TNR: variants seen among roughly 807,000 people sequenced by gnomAD.
TNR encodes tenascin R.
TNR carries 45 observed loss-of-function variants against 150.4 expected under a neutral mutation model. That is an observed-to-expected ratio of 0.30 (90% CI 0.24 to 0.38). The LOEUF (loss-of-function observed/expected upper bound fraction) is 0.38. TNR is among the 10% of genes least tolerant of loss of function. The pLI is 1.00. For missense variants in TNR, 1,544 were observed against 1,759.1 expected (o/e 0.88, Z 2.19); for synonymous variants, 687 against 678.4 (o/e 1.01, Z -0.20).
intron 1 of TNR, among the ~76,000 whole-genome samples, chr1:175,672,940 C>G (rs773395005): frequency 5.3e-5 from 8 of 152,186 alleles, no homozygotes; most frequent in Non-Finnish European, 1.2e-4. Flanking sequence ...GCTCATTCCT[C>G]TGCTTGGAAA....
intron 2 of TNR, among the ~76,000 whole-genome samples, chr1:175,488,837 G>T (rs1658122980): frequency 6.6e-6 from 1 of 152,252 alleles, no homozygotes. Context: ...GGTGGATGGG[G>T]CAAGGGTTGT....
rs1662239786 is a variant in TNR, at chr1:175,579,165, T to TTCCTTCCTTCCTTCCTTCC, written c.-164-50797_-164-50796insGGAAGGAAGGAAGGAAGGA. ...CTCCTATCCTTCCCTTCGTTCCTTC[T>TTCCTTCCTTCCTTCCTTCC]TTCCTTCCTTCCTTCCTTCCTTCCT... On this transcript the variant is annotated intron_variant, in intron 1 of 22. Coordinates refer to ENST00000367674, the MANE Select transcript of TNR (RefSeq NM_003285.3). 2.2e-5 allele frequency among the ~76,000 whole-genome samples: 3 copies of TTCCTTCCTTCCTTCCTTCC among 134,380 alleles called. No homozygotes were observed. The South Asian group carries it at 8.2e-4, about 37-fold the overall frequency. 88.2% of individuals were successfully genotyped at this position (134,380 alleles called of 152,430 possible).
At chr1:175,331,078 C>CCTTCTCTTTCT (rs1649823861) in intron 20 of TNR, among the ~76,000 whole-genome samples, 3 of 59,944 alleles carry the variant, frequency 5.0e-5, no homozygotes, top group East Asian at 5.8e-4. Flanking sequence ...TCTTTCTTTC[C>CCTTCTCTTTCT]TTCTTTCTTT....
chr1:175,664,733 T>G (rs1665482193), intron 1 of TNR, among the ~76,000 whole-genome samples: 2 of 152,230 alleles, frequency 1.3e-5, no homozygotes, highest in Admixed American at 1.3e-4. Context: ...CAGGTTAGAA[T>G]AAGCCTACTT....
intron 21 of TNR, 49 bp from the exon 22 acceptor site, chr1:175,324,568 T>C: frequency 1.3e-6 from 2 of 1,594,342 alleles, no homozygotes; most frequent in Non-Finnish European, 1.7e-6. Context: ...CACTGCTTTA[T>C]CAGGATTTTC....
At chr1:175,493,458 G>T (rs1479328761) in intron 2 of TNR, among the ~76,000 whole-genome samples, 1 of 152,200 alleles carries the variant, frequency 6.6e-6, no homozygotes, top group East Asian at 1.9e-4. Context: ...AGAGACCAGG[G>T]CGGCCTCTCT....
chr1:175,694,673 C>T (rs1011910460), intron 1 of TNR, among the ~76,000 whole-genome samples: 1 of 152,180 alleles, frequency 6.6e-6, no homozygotes, highest in Non-Finnish European at 1.5e-5. Context: ...GAGATAGGGA[C>T]TTTAATGAGA....
At chr1:175,701,796 C>A (rs1181754865) in intron 1 of TNR, among the ~76,000 whole-genome samples, 1 of 152,206 alleles carries the variant, frequency 6.6e-6, no homozygotes, top group Non-Finnish European at 1.5e-5. Flanking sequence ...GTTAGAAATG[C>A]AGCCTCTGGG....
chr1:175,435,363 G>A (rs1023802687), intron 2 of TNR, among the ~76,000 whole-genome samples: 1 of 152,154 alleles, frequency 6.6e-6, no homozygotes, highest in African/African-American at 2.4e-5. Flanking sequence ...AAAAGATAGT[G>A]CCAGATATTT....
intron 1 of TNR, among the ~76,000 whole-genome samples, chr1:175,545,155 C>T (rs76833263): frequency 6.6e-6 from 1 of 151,856 alleles, no homozygotes; most frequent in Non-Finnish European, 1.5e-5. Context: ...ACTGCTACAA[C>T]CAAAAAAAGA....
intron 11 of TNR, 86 bp downstream of exon 11, chr1:175,365,789 T>C (rs546773446): frequency 8.4e-5 from 128 of 1,532,510 alleles, no homozygotes; most frequent in African/African-American, 4.7e-4. Flanking sequence ...AAATGGAACA[T>C]TGGAAGAGTG....
At position 175,480,702 on chromosome 1, in the gene TNR, G is replaced by A. The variant is rs76357826; in HGVS notation, c.-64+47567C>T. On this transcript the variant is annotated intron_variant, in intron 2 of 22. Coordinates refer to ENST00000367674, the MANE Select transcript of TNR (RefSeq NM_003285.3). ...GACGTTAAGAGGCTCACCTGAAATC[G>A]GATGCTAGTAAATGAGAGAGGCCAG... Among the ~76,000 whole-genome samples, 1,433 of 152,230 alleles carry A rather than the reference G, an allele frequency of 9.4e-3. 22 individuals are homozygous for A. Among genetic ancestry groups the A allele is most frequent in the African/African-American group, 0.033 (1,373 of 41,520 alleles).
At chr1:175,458,590 G>A (rs1330513635) in intron 2 of TNR, among the ~76,000 whole-genome samples, 1 of 152,166 alleles carries the variant, frequency 6.6e-6, no homozygotes, top group East Asian at 1.9e-4. Flanking sequence ...TAGAAGAGAG[G>A]ATGGTCAGGA....
In TNR at chr1:175,411,810, G is replaced by A. The variant is rs531772782; in HGVS notation, c.-63-5033C>T. On this transcript the variant is annotated intron_variant, in intron 2 of 22. Coordinates refer to ENST00000367674, the MANE Select transcript of TNR (RefSeq NM_003285.3). Reference sequence around the variant, plus strand: ...TAAGGTTACATTCTGAGGTTCTGGGGTTAGGACTTCAACACGTCTTCTTTG... The same window carrying A: ...TAAGGTTACATTCTGAGGTTCTGGGATTAGGACTTCAACACGTCTTCTTTG... Among the ~76,000 whole-genome samples, 13 of 152,094 alleles carry A rather than the reference G, an allele frequency of 8.5e-5. No individual in the cohort carries two copies. In the South Asian group the frequency reaches 2.7e-3, roughly 32 times the overall value.
At chr1:175,493,999 T>C (rs1434130488) in intron 2 of TNR, among the ~76,000 whole-genome samples, 1 of 152,172 alleles carries the variant, frequency 6.6e-6, no homozygotes, top group Non-Finnish European at 1.5e-5. Context: ...AACCTGTTTT[T>C]CTTTGTATCT....
chr1:175,413,088 C>T (rs1436644065), intron 2 of TNR, among the ~76,000 whole-genome samples: 3 of 152,136 alleles, frequency 2.0e-5, no homozygotes, highest in African/African-American at 4.8e-5. Context: ...TGCAGTGGCA[C>T]GATCTCTGCT....
chr1:175,505,566 C>G (rs1450142786), intron 2 of TNR, among the ~76,000 whole-genome samples: 1 of 152,230 alleles, frequency 6.6e-6, no homozygotes, highest in Non-Finnish European at 1.5e-5. Context: ...TACCCACGCC[C>G]GAACCAGCAC....
chr1:175,504,982 G>C (rs1008535069), intron 2 of TNR, among the ~76,000 whole-genome samples: 1 of 152,180 alleles, frequency 6.6e-6, no homozygotes, highest in African/African-American at 2.4e-5. Context: ...GACTGGAACA[G>C]ATCCCTTTCT....
chr1:175,737,720 C>T (rs999183004), intron 1 of TNR, among the ~76,000 whole-genome samples: 4 of 152,176 alleles, frequency 2.6e-5, no homozygotes, highest in African/African-American at 9.7e-5. Context: ...TTTATTGAGT[C>T]ATTTACAGCC....
Sources: gnomAD v4.1 joint callset for allele counts (sites outside exome capture counted in the v4.1 genomes callset) on GRCh38, gnomAD v4.1.1 for gene constraint, MANE v1.5 for transcripts, NCBI Gene and HGNC (gene_info 2026-07-23, HGNC 2026-07-21) for gene names.